Variants in DPYSL5 observed in about 807,000 individuals in gnomAD.
The protein encoded by DPYSL5 is dihydropyrimidinase like 5, also known as dihydropyrimidinase-related protein 5.
DPYSL5 carries 9 observed loss-of-function variants against 58.4 expected under a neutral mutation model. That is an observed-to-expected ratio of 0.15 (90% CI 0.09 to 0.27). The LOEUF (loss-of-function observed/expected upper bound fraction) is 0.27. DPYSL5 is among the 10% of genes least tolerant of loss of function. The pLI, the probability that DPYSL5 is intolerant of heterozygous loss-of-function variation, is 1.00. For missense variants in DPYSL5, 499 were observed against 770.6 expected, an observed-to-expected ratio of 0.65 and a Z score of 4.17; for synonymous variants, 293 against 301.9, an observed-to-expected ratio of 0.97 and a Z score of 0.31.
intron 2 of DPYSL5, among the ~76,000 whole-genome samples, chr2:26,903,559 G>A (rs1664215214): frequency 6.6e-6 from 1 of 152,160 alleles, no homozygotes; most frequent in African/African-American, 2.4e-5. Context: ...TGGTGATTCT[G>A]AGGAACTTTG....
At chr2:26,919,205 G>C (rs1664647207) in intron 2 of DPYSL5, among the ~76,000 whole-genome samples, 2 of 152,200 alleles carry the variant, frequency 1.3e-5, no homozygotes, top group Non-Finnish European at 2.9e-5. Context: ...TCAATATGGA[G>C]ACCCCCATGA....
At chr2:26,878,057 A>G (rs1297162448) in intron 1 of DPYSL5, among the ~76,000 whole-genome samples, 3 of 152,230 alleles carry the variant, frequency 2.0e-5, no homozygotes. Context: ...TTAGACATGA[A>G]ATGCACATTT....
At position 26,925,188 on chromosome 2, in the gene DPYSL5, C is replaced by A; in HGVS notation, c.420+143C>A. 2 of 1,124,828 alleles carry A rather than the reference C, an allele frequency of 1.8e-6. No homozygotes were observed. Among genetic ancestry groups the A allele is most frequent in the Non-Finnish European group, 2.5e-6 (2 of 810,460 alleles). 69.7% of individuals were successfully genotyped at this position (1,124,828 alleles called of 1,614,324 possible). On this transcript the variant is annotated intron_variant, in intron 3 of 12. Transcript: ENST00000288699. This position sits in a 1 kb window ranked among gnomAD's most constrained non-coding sequence, Gnocchi z 4.5. Reference sequence around the variant, plus strand: ...CCCCACAATGCCAAAAGAAAACACACTTGGGATTCCATAAGGGGAGCGGAT... The same window carrying A: ...CCCCACAATGCCAAAAGAAAACACAATTGGGATTCCATAAGGGGAGCGGAT...
rs755205638 is a variant in DPYSL5 at position 26,946,969 on chromosome 2, G to A, written c.1669G>A (p.Gly557Arg). 1.9e-6 allele frequency: 3 copies of A among 1,613,874 alleles called. No homozygotes were observed. The highest frequency in any genetic ancestry group is 2.5e-6 in the Non-Finnish European group (3 of 1,179,834). ...RASARILAPP[G>R]GRSSGIW ...TTCAGCTCGGATCCTCGCTCCTCCCGGAGGCAGGTCGAGTGGCATTTGGTA... is the reference window on the plus strand; with the variant it reads ...TTCAGCTCGGATCCTCGCTCCTCCCAGAGGCAGGTCGAGTGGCATTTGGTA... Residue 557 changes from glycine (G) to arginine (R), a missense_variant, in exon 13 of 13, where the codon GGA becomes AGA. Coordinates refer to ENST00000288699, the MANE Select transcript of DPYSL5 (RefSeq NM_020134.4).
At chr2:26,892,142 C>T (rs1663896652) in intron 1 of DPYSL5, among the ~76,000 whole-genome samples, 1 of 152,214 alleles carries the variant, frequency 6.6e-6, no homozygotes, top group African/African-American at 2.4e-5. Context: ...AAGCCCATCC[C>T]TCCCCCTGGA....
chr2:26,871,482 G>A (rs1163865951), intron 1 of DPYSL5, among the ~76,000 whole-genome samples: 2 of 151,884 alleles, frequency 1.3e-5, no homozygotes, highest in East Asian at 1.9e-4. Context: ...TTGCTCTGTC[G>A]CCCAGGTTGG....
intron 1 of DPYSL5, among the ~76,000 whole-genome samples, chr2:26,885,215 T>C (rs111449957): frequency 2.7e-3 from 403 of 150,558 alleles, no homozygotes; most frequent in African/African-American, 9.4e-3. Flanking sequence ...CAAAACAAAA[T>C]AAAAAAAAAC....
At chr2:26,874,461 T>C (rs1663355907) in intron 1 of DPYSL5, among the ~76,000 whole-genome samples, 1 of 152,212 alleles carries the variant, frequency 6.6e-6, no homozygotes, top group African/African-American at 2.4e-5. Flanking sequence ...GCATCATTTG[T>C]TGAAAGACTA....
chr2:26,871,752 T>A (rs1663267622), intron 1 of DPYSL5, among the ~76,000 whole-genome samples: 1 of 152,190 alleles, frequency 6.6e-6, no homozygotes, highest in African/African-American at 2.4e-5. Context: ...GAAACATTAC[T>A]TAATTTTTTG....
chr2:26,908,073 T>C (rs1664344540), intron 2 of DPYSL5, among the ~76,000 whole-genome samples: 2 of 152,204 alleles, frequency 1.3e-5, no homozygotes, highest in African/African-American at 4.8e-5. Context: ...TCTTTAAAAG[T>C]GCTAATTGAG....
Position 26,925,082 on chromosome 2 carries a change from G to C in DPYSL5, c.420+37G>C. The stretch of plus-strand genomic sequence containing the variant: ...GGTGGGATCCCAGAAGAAGGCACAA[G>C]TGGTCTTGTAGGCAGAGGGGCTGGT... On this transcript the variant is annotated intron_variant, in intron 3 of 12. Transcript: ENST00000288699. This position sits in a 1 kb window ranked among gnomAD's most constrained non-coding sequence, Gnocchi z 4.5. 6 of 1,607,780 alleles carry C rather than the reference G, an allele frequency of 3.7e-6. No homozygotes were observed. Among genetic ancestry groups the C allele is most frequent in the Non-Finnish European group, 5.1e-6 (6 of 1,176,360 alleles).
chr2:26,915,532 C>T (rs1000379937), intron 2 of DPYSL5, among the ~76,000 whole-genome samples: 2 of 152,188 alleles, frequency 1.3e-5, no homozygotes, highest in African/African-American at 2.4e-5. Context: ...ATCCCTGACC[C>T]CTGGGCTCCC....
chr2:26,940,049 G>A lies in DPYSL5; in HGVS notation c.966G>A (p.Val322=), dbSNP rs1359504602. 1 of 1,614,002 alleles carries A rather than the reference G, an allele frequency of 6.2e-7. No individual in the cohort carries two copies. Among genetic ancestry groups the A allele is most frequent in the Admixed American group, 1.7e-5 (1 of 59,990 alleles). Reference sequence around the variant, plus strand: ...TACCCAGTGACACTCTGAACATCGTGGCATCAGATCACCGGCCTTTCACCA... The same window carrying A: ...TACCCAGTGACACTCTGAACATCGTAGCATCAGATCACCGGCCTTTCACCA... ...SLLANDTLNI[V]ASDHRPFTTK... The change falls in exon 9 of 13, where the codon GTG becomes GTA. Residue 322 remains valine, a synonymous_variant. Transcript: ENST00000288699.
chr2:26,907,303 G>A lies in DPYSL5; in HGVS notation c.261+8543G>A, dbSNP rs192199423. The stretch of plus-strand genomic sequence containing the variant: ...CTAATTTTGTATTTTTAGTAGAGAC[G>A]GAGTTTCTCCATGTTGGTCAGGCTA... On this transcript the variant is annotated intron_variant, in intron 2 of 12. Transcript: ENST00000288699. Among the ~76,000 whole-genome samples the A allele has an allele frequency of 4.0e-3, 613 of 151,828 alleles. 2 individuals are homozygous for A. Among genetic ancestry groups the A allele is most frequent in the Non-Finnish European group, 7.4e-3 (500 of 67,908 alleles).
rs527597724 is a variant in DPYSL5 at position 26,945,910 on chromosome 2, G to C, written c.1610-1000G>C. ...CCCAGGCTCCTGTGTGCCCTGCTTT[G>C]GGCCAGGCGCAGCTTGTGGCAGAAG... On this transcript the variant is annotated intron_variant, in intron 12 of 12. Transcript: ENST00000288699. Among the ~76,000 whole-genome samples the C allele has an allele frequency of 6.0e-4, 91 of 152,324 alleles. No homozygotes were observed. In the Middle Eastern group the frequency reaches 0.014, roughly 23 times the overall value.
In DPYSL5 at chr2:26,849,778, T is replaced by C. The variant is rs986923334; in HGVS notation, c.-5+1524T>C. On this transcript the variant is annotated intron_variant, in intron 1 of 12. Coordinates refer to ENST00000288699, the MANE Select transcript of DPYSL5 (RefSeq NM_020134.4). This position sits in a 1 kb window ranked among gnomAD's most constrained non-coding sequence, Gnocchi z 6.2. ...CCCTGCGGAACCTCCGGGCACGTGC[T>C]GGCTTTGGGGTTTTATGGGGGCCTG... 1.3e-5 allele frequency among the ~76,000 whole-genome samples: 2 copies of C among 152,198 alleles called. No individual in the cohort carries two copies. The highest frequency in any genetic ancestry group is 2.4e-5 in the African/African-American group (1 of 41,464).
chr2:26,941,149 C>G (rs1032623016), intron 9 of DPYSL5, among the ~76,000 whole-genome samples: 5 of 151,706 alleles, frequency 3.3e-5, no homozygotes, highest in Non-Finnish European at 7.4e-5. Context: ...GTTGGTTGGT[C>G]AGATGGTCTC....
intron 5 of DPYSL5, among the ~76,000 whole-genome samples, chr2:26,931,152 A>AAAAAAAAATAT (rs1209140758): frequency 4.1e-5 from 2 of 48,804 alleles, no homozygotes; most frequent in African/African-American, 6.6e-5. Context: ...AAAAAAAAAA[A>AAAAAAAAATAT]ATATATATAT....
At chr2:26,860,777 A>G (rs1056255129) in intron 1 of DPYSL5, among the ~76,000 whole-genome samples, 2 of 152,224 alleles carry the variant, frequency 1.3e-5, no homozygotes, top group Admixed American at 1.3e-4. Context: ...AAAACAATGC[A>G]GAACAATATT....
Sources: allele counts gnomAD v4.1 joint callset (sites outside exome capture counted in the v4.1 genomes callset), GRCh38; gene constraint gnomAD v4.1.1; non-coding constraint Gnocchi (gnomAD v3.1); transcripts MANE v1.5; gene names NCBI Gene and HGNC (gene_info 2026-07-23, HGNC 2026-07-21).